NELL1: variants seen among roughly 807,000 people sequenced by gnomAD.
The protein encoded by NELL1 is protein kinase C-binding protein NELL1.
A neutral mutation model predicts 107.4 loss-of-function variants in NELL1; 76 were observed. That is an observed-to-expected ratio of 0.71 (90% CI 0.59 to 0.86). The LOEUF is 0.86. NELL1 is among the 40% of genes least tolerant of loss of function. The pLI is 0.00. For missense variants in NELL1, 1,024 were observed against 1,005.5 expected (o/e 1.02, Z -0.25); for synonymous variants, 353 against 341.2 (o/e 1.03, Z -0.38).
At chr11:21,076,393 A>G (rs971778894) in intron 12 of NELL1, among the ~76,000 whole-genome samples, 2 of 152,226 alleles carry the variant, frequency 1.3e-5, no homozygotes, top group African/African-American at 2.4e-5. Flanking sequence ...ACAGTGGTGG[A>G]GGCAAGGCTG....
chr11:21,228,022 TG>T (rs1292508939), intron 13 of NELL1, among the ~76,000 whole-genome samples: 2 of 152,218 alleles, frequency 1.3e-5, no homozygotes, highest in Non-Finnish European at 2.9e-5. Flanking sequence ...TTGAATTTTT[TG>T]TTTTGTTCCA....
intron 14 of NELL1, among the ~76,000 whole-genome samples, chr11:21,275,332 C>T (rs1051224764): frequency 1.3e-5 from 2 of 152,166 alleles, no homozygotes; most frequent in African/African-American, 4.8e-5. Flanking sequence ...CACATACACC[C>T]TCCTGAGACT....
At chr11:20,674,665 G>A in intron 1 of NELL1, 1 of 742,134 alleles carries the variant, frequency 1.3e-6, no homozygotes, top group Admixed American at 2.3e-5. Context: ...AGAGGGAAGA[G>A]ACTGGACTGA....
At chr11:21,016,078 CG>C (rs1852558207) in intron 12 of NELL1, among the ~76,000 whole-genome samples, 1 of 151,986 alleles carries the variant, frequency 6.6e-6, no homozygotes, top group Non-Finnish European at 1.5e-5. Context: ...TGGTGCTTAT[CG>C]GCATTATTGG....
At chr11:21,025,027 A>T (rs892203524) in intron 12 of NELL1, among the ~76,000 whole-genome samples, 5 of 152,132 alleles carry the variant, frequency 3.3e-5, no homozygotes, top group African/African-American at 1.2e-4. Flanking sequence ...TATAAACCAT[A>T]CAGAAAATGT....
chr11:21,041,509 T>C (rs1469160873), intron 12 of NELL1, among the ~76,000 whole-genome samples: 1 of 152,142 alleles, frequency 6.6e-6, no homozygotes, highest in Non-Finnish European at 1.5e-5. Flanking sequence ...CCTTTCATGA[T>C]GCTCACAACC....
At chr11:21,091,035 A>G (rs1327009891) in intron 12 of NELL1, among the ~76,000 whole-genome samples, 1 of 152,216 alleles carries the variant, frequency 6.6e-6, no homozygotes, top group Non-Finnish European at 1.5e-5. Context: ...ATTAAAGATG[A>G]TGAATACACA....
chr11:20,850,893 T>G (rs1848783429), intron 4 of NELL1, among the ~76,000 whole-genome samples: 1 of 152,200 alleles, frequency 6.6e-6, no homozygotes, highest in Non-Finnish European at 1.5e-5. Flanking sequence ...AGATGCATTT[T>G]GCATATTTGG....
At chr11:20,794,815 AAT>A (rs1010429513) in intron 3 of NELL1, among the ~76,000 whole-genome samples, 1 of 152,124 alleles carries the variant, frequency 6.6e-6, no homozygotes, top group Non-Finnish European at 1.5e-5. Context: ...AAAGGAAAAT[AAT>A]GACTATCACC....
chr11:21,388,966 T>C (rs1420836278), intron 15 of NELL1, among the ~76,000 whole-genome samples: 1 of 151,826 alleles, frequency 6.6e-6, no homozygotes, highest in African/African-American at 2.4e-5. Flanking sequence ...AAGGAAAACT[T>C]ATTTTTAAGT....
chr11:21,119,404 A>ATT (rs1457702473), intron 13 of NELL1, among the ~76,000 whole-genome samples: 1 of 147,944 alleles, frequency 6.8e-6, no homozygotes, highest in East Asian at 2.0e-4. Context: ...AAAAAAAAGG[A>ATT]TTATATATAT....
At chr11:21,129,422 A>G (rs186805677) in intron 13 of NELL1, among the ~76,000 whole-genome samples, 1 of 152,370 alleles carries the variant, frequency 6.6e-6, no homozygotes, top group Non-Finnish European at 1.5e-5. Flanking sequence ...TATACCCAAA[A>G]GAATTGAAAG....
At chr11:20,746,586 AC>A (rs1856008719) in intron 2 of NELL1, among the ~76,000 whole-genome samples, 3 of 151,550 alleles carry the variant, frequency 2.0e-5, no homozygotes, top group African/African-American at 4.8e-5. Flanking sequence ...ACACACACAC[AC>A]ACACACACAC....
At chr11:21,425,072 G>A (rs1178627967) in intron 15 of NELL1, among the ~76,000 whole-genome samples, 1 of 151,974 alleles carries the variant, frequency 6.6e-6, no homozygotes, top group Admixed American at 6.6e-5. Flanking sequence ...CCTATTAAAA[G>A]GATTATATAA....
At chr11:20,786,214 G>A (rs1254476210) in intron 3 of NELL1, among the ~76,000 whole-genome samples, 5 of 151,842 alleles carry the variant, frequency 3.3e-5, no homozygotes, top group Non-Finnish European at 5.9e-5. Context: ...GCTGGGTGTG[G>A]TAGTGCATGC....
chr11:21,557,047 G>C (rs1331875129), intron 16 of NELL1, among the ~76,000 whole-genome samples: 1 of 151,914 alleles, frequency 6.6e-6, no homozygotes, highest in African/African-American at 2.4e-5. Context: ...CCCGTTGGCT[G>C]CCTTGGGATA....
At chr11:20,814,096 T>C (rs10833395) in intron 3 of NELL1, among the ~76,000 whole-genome samples, 12,610 of 151,828 alleles carry the variant, frequency 0.083, 711 homozygotes, top group Non-Finnish European at 0.12. Flanking sequence ...CCCGGGTTCA[T>C]GCCATTCTCC....
chr11:20,746,588 ACACACACAC>A (rs1856008815), intron 2 of NELL1, among the ~76,000 whole-genome samples: 3 of 151,610 alleles, frequency 2.0e-5, no homozygotes, highest in African/African-American at 4.8e-5. Context: ...ACACACACAC[ACACACACAC>A]ACACACACAC....
chr11:21,157,251 T>C (rs1856263967), intron 13 of NELL1, among the ~76,000 whole-genome samples: 1 of 151,982 alleles, frequency 6.6e-6, no homozygotes, highest in Admixed American at 6.6e-5. Flanking sequence ...AATATTTGCC[T>C]TAGAATGATA....
Sources: allele counts gnomAD v4.1 joint callset (sites outside exome capture counted in the v4.1 genomes callset), GRCh38; gene constraint gnomAD v4.1.1; transcripts MANE v1.5; gene names NCBI Gene and HGNC (gene_info 2026-07-23, HGNC 2026-07-21).